ADCY8: variants seen among roughly 807,000 people sequenced by gnomAD.
ADCY8 encodes adenylate cyclase 8.
A neutral mutation model predicts 119.7 loss-of-function variants in ADCY8; 51 were observed. The ratio of observed to expected loss-of-function variants is 0.43; its 90% CI spans 0.34 to 0.54. ADCY8 has a LOEUF of 0.54. Ranked by LOEUF, ADCY8 falls within the 20% of genes least tolerant of loss-of-function variation. The probability of loss-of-function intolerance (pLI) is 0.03; values close to 1 mark genes in which losing one functional copy is unlikely to be tolerated. For synonymous variants in ADCY8, 665 were observed against 651.0 expected (o/e 1.02, Z -0.33); for missense variants, 1,383 against 1,598.8 (o/e 0.87, Z 2.30).
At position 130,814,209 on chromosome 8, in the gene ADCY8, G is replaced by A; in HGVS notation, c.2773C>T (p.Leu925=). 6.2e-7 allele frequency: 1 copy of A among 1,614,076 alleles called. No homozygotes were observed. The highest frequency in any genetic ancestry group is 8.5e-7 in the Non-Finnish European group (1 of 1,180,018). Residue 925 remains leucine, a synonymous_variant, in exon 14 of 18, where the codon CTG becomes TTG. Coordinates refer to ENST00000286355, the MANE Select transcript of ADCY8 (RefSeq NM_001115.3). The stretch of plus-strand genomic sequence containing the variant: ...GCCTGTACTCGCCAAAGGAAGTCCA[G>A]GCGGGCTGTGTACTCCAGCTGCAGT... ...HGQQLEYTAR[L]DFLWRVQAKE... is the part of the protein sequence containing the mutation.
At position 130,840,472 on chromosome 8, in the gene ADCY8, G is replaced by A. The variant is rs553708236; in HGVS notation, c.2503-4023C>T. On this transcript the variant is annotated intron_variant, in intron 11 of 17. Coordinates refer to ENST00000286355, the MANE Select transcript of ADCY8 (RefSeq NM_001115.3). ...GACAATAGTGAAGAAACATGTGCCC[G>A]AAGAATAAAGAGCTCTATATACAAG... Among the ~76,000 whole-genome samples, 25 of 96,216 alleles carry A rather than the reference G, an allele frequency of 2.6e-4. 4 individuals are homozygous for A. The highest frequency in any genetic ancestry group is 5.3e-4 in the African/African-American group (20 of 37,468). The allele number at this position is 96,216 out of a possible 152,430, so 63.1% of individuals were successfully genotyped here.
chr8:131,018,194 T>C (rs1823543065), intron 1 of ADCY8, among the ~76,000 whole-genome samples: 1 of 152,200 alleles, frequency 6.6e-6, no homozygotes, highest in Non-Finnish European at 1.5e-5. Context: ...CAATTATTAT[T>C]TTTCAAAGCT....
chr8:130,910,395 C>T (rs987940238), intron 5 of ADCY8, among the ~76,000 whole-genome samples: 5 of 152,152 alleles, frequency 3.3e-5, no homozygotes, highest in Non-Finnish European at 7.4e-5. Flanking sequence ...CTGTTTCCTT[C>T]TTTCTAGCCC....
At chr8:131,002,414 G>T (rs1188762520) in intron 1 of ADCY8, among the ~76,000 whole-genome samples, 3 of 152,180 alleles carry the variant, frequency 2.0e-5, no homozygotes, top group Non-Finnish European at 4.4e-5. Flanking sequence ...AGTGAAGAAA[G>T]GGATAAAAGA....
At chr8:130,901,980 A>G (rs1819618024) in intron 7 of ADCY8, among the ~76,000 whole-genome samples, 1 of 152,174 alleles carries the variant, frequency 6.6e-6, no homozygotes, top group Non-Finnish European at 1.5e-5. Context: ...TATACAGTTT[A>G]ACCACATCAA....
chr8:130,978,792 C>T (rs1822150149), intron 2 of ADCY8, among the ~76,000 whole-genome samples: 1 of 152,162 alleles, frequency 6.6e-6, no homozygotes, highest in Non-Finnish European at 1.5e-5. Context: ...TTCTATAATG[C>T]AGTAACCTAA....
At chr8:131,014,919 T>C (rs1823421439) in intron 1 of ADCY8, among the ~76,000 whole-genome samples, 1 of 152,202 alleles carries the variant, frequency 6.6e-6, no homozygotes, top group Non-Finnish European at 1.5e-5. Flanking sequence ...TGTGTCATAG[T>C]TAATTCTTCT....
At chr8:131,006,858 G>C (rs959204) in intron 1 of ADCY8, among the ~76,000 whole-genome samples, 84,804 of 152,008 alleles carry the variant, frequency 0.56, 24,534 homozygotes, top group East Asian at 0.78. Context: ...AGATGACAAC[G>C]TTTCCATGGA....
chr8:130,855,411 T>C (rs1020558467), intron 9 of ADCY8, among the ~76,000 whole-genome samples: 1 of 152,092 alleles, frequency 6.6e-6, no homozygotes, highest in African/African-American at 2.4e-5. Flanking sequence ...CTTGTCAGGA[T>C]TTTTCTCCTC....
intron 2 of ADCY8, among the ~76,000 whole-genome samples, chr8:130,987,573 T>A (rs1186307696): frequency 6.6e-6 from 1 of 152,206 alleles, no homozygotes; most frequent in East Asian, 1.9e-4. Context: ...ACCTATTTGA[T>A]TCTTAATTTA....
chr8:130,965,583 T>C (rs888146863), intron 2 of ADCY8, among the ~76,000 whole-genome samples: 2 of 152,226 alleles, frequency 1.3e-5, no homozygotes, highest in Non-Finnish European at 2.9e-5. Context: ...AGTAATGTTA[T>C]GTTCTTACAA....
intron 2 of ADCY8, among the ~76,000 whole-genome samples, chr8:130,989,288 G>A (rs1469003379): frequency 6.6e-6 from 1 of 152,148 alleles, no homozygotes; most frequent in Non-Finnish European, 1.5e-5. Flanking sequence ...CTGTCAGGTA[G>A]GCCCTACCTG....
intron 7 of ADCY8, among the ~76,000 whole-genome samples, chr8:130,885,445 C>G (rs998056325): frequency 6.6e-6 from 1 of 152,062 alleles, no homozygotes; most frequent in African/African-American, 2.4e-5. Context: ...CAGGGTTACA[C>G]AGCACGAGAC....
chr8:130,842,105 A>G (rs1817164795), intron 11 of ADCY8, among the ~76,000 whole-genome samples: 1 of 152,184 alleles, frequency 6.6e-6, no homozygotes, highest in South Asian at 2.1e-4. Context: ...TGGTCCTTTG[A>G]TTCATTCAAG....
chr8:130,830,573 C>T (rs1407443889), intron 12 of ADCY8, among the ~76,000 whole-genome samples: 1 of 152,148 alleles, frequency 6.6e-6, no homozygotes, highest in Non-Finnish European at 1.5e-5. Context: ...CCTATTAAAT[C>T]TCCACTCCTA....
At chr8:130,945,443 G>A (rs535805480) in intron 3 of ADCY8, among the ~76,000 whole-genome samples, 1 of 152,250 alleles carries the variant, frequency 6.6e-6, no homozygotes, top group Admixed American at 6.5e-5. Context: ...GATAGATCTG[G>A]GTTCAAATCT....
intron 15 of ADCY8, among the ~76,000 whole-genome samples, chr8:130,793,539 G>A (rs919765185): frequency 2.0e-5 from 3 of 152,156 alleles, no homozygotes; most frequent in African/African-American, 7.2e-5. Flanking sequence ...ATGAGAACAG[G>A]ATTTATGCCT....
chr8:130,945,318 T>C (rs990295844), intron 3 of ADCY8, among the ~76,000 whole-genome samples: 1 of 152,246 alleles, frequency 6.6e-6, no homozygotes, highest in Non-Finnish European at 1.5e-5. Flanking sequence ...ATGGACATGA[T>C]GCCAATAGAT....
intron 1 of ADCY8, among the ~76,000 whole-genome samples, chr8:131,005,734 T>A (rs1823095802): frequency 6.6e-6 from 1 of 152,158 alleles, no homozygotes; most frequent in African/African-American, 2.4e-5. Flanking sequence ...AATTACTGTA[T>A]TCCTCTACTG....
Sources: gnomAD v4.1 joint callset for allele counts (sites outside exome capture counted in the v4.1 genomes callset) on GRCh38, gnomAD v4.1.1 for gene constraint, MANE v1.5 for transcripts, NCBI Gene and HGNC (gene_info 2026-07-23, HGNC 2026-07-21) for gene names.